Variants in COL15A1 observed in about 807,000 individuals in gnomAD.
COL15A1 encodes the protein collagen type XV alpha 1 chain, also known as collagen alpha-1(XV) chain.
In COL15A1, 111 loss-of-function variants were observed where a neutral mutation model predicts 165.9. That is an observed-to-expected ratio of 0.67 (90% confidence interval 0.57 to 0.78). The LOEUF (loss-of-function observed/expected upper bound fraction) is 0.78, where lower values mean the gene tolerates loss of function less well. Among genes scored for constraint, COL15A1 ranks in the 30% least tolerant of loss-of-function variants. COL15A1 has a pLI of 0.00. For missense variants in COL15A1, 1,745 were observed against 1,789.7 expected (o/e 0.98, Z 0.45); for synonymous variants, 659 against 674.8 (o/e 0.98, Z 0.36).
Position 99,024,894 on chromosome 9 carries a change from G to T in COL15A1, c.1875G>T (p.Gly625=), listed in dbSNP as rs995935317. Residue 625 remains glycine, a synonymous_variant, in exon 15 of 42, where the codon GGG becomes GGT. Coordinates refer to ENST00000375001, the MANE Select transcript of COL15A1 (RefSeq NM_001855.5). ...QLLRGPPGPP[G]PPGLPGIPGK... ...TTTAGGGTCCTCCAGGACCCCCAGG[G>T]CCACCTGGCTTACCTGGGATTCCAG... is the stretch of plus-strand genomic sequence containing the variant. 2.0e-5 allele frequency: 32 copies of T among 1,613,776 alleles called. No homozygotes were observed. The highest frequency in any genetic ancestry group is 2.7e-5 in the Non-Finnish European group (32 of 1,179,870).
At chr9:98,997,194 C>T in intron 6 of COL15A1, 113 bp downstream of exon 6, 2 of 1,346,092 alleles carry the variant, frequency 1.5e-6, no homozygotes, top group East Asian at 4.7e-5. Flanking sequence ...CCCCTCAACC[C>T]TTTAAGAAAG....
chr9:99,065,665 C>T (rs893880408), intron 39 of COL15A1, among the ~76,000 whole-genome samples: 2 of 147,126 alleles, frequency 1.4e-5, no homozygotes, highest in African/African-American at 2.5e-5. Context: ...TGACCTGGAC[C>T]TCCATCTAGT....
chr9:99,017,990 G>A (rs1838965974), intron 11 of COL15A1, among the ~76,000 whole-genome samples: 1 of 152,102 alleles, frequency 6.6e-6, no homozygotes, highest in Non-Finnish European at 1.5e-5. Context: ...TTGGAGAGAA[G>A]GGGAATACTG....
chr9:98,949,142 G>A (rs1214441667), intron 2 of COL15A1, among the ~76,000 whole-genome samples: 1 of 152,188 alleles, frequency 6.6e-6, no homozygotes, highest in Non-Finnish European at 1.5e-5. Context: ...CTTTTTAAAT[G>A]CAGAATCTAT....
chr9:99,049,764 T>C lies in COL15A1; in HGVS notation c.2862+6T>C. 1.2e-6 allele frequency: 2 copies of C among 1,614,246 alleles called. No homozygotes were observed. Among genetic ancestry groups the C allele is most frequent in the South Asian group, 1.1e-5 (1 of 91,082 alleles). The stretch of plus-strand genomic sequence containing the variant: ...CTGTGATTAACATCAAAGGAGTAAG[T>C]TGGCACGCAGTGGGAAGACCTTCCC... On this transcript the variant is annotated splice_donor_region_variant and intron_variant, in intron 29 of 41. Coordinates refer to ENST00000375001, the MANE Select transcript of COL15A1 (RefSeq NM_001855.5).
chr9:99,003,696 A>G, intron 8 of COL15A1, 109 bp downstream of exon 8: 1 of 1,223,978 alleles, frequency 8.2e-7, no homozygotes, highest in Non-Finnish European at 1.1e-6. Flanking sequence ...ACACAGTGAC[A>G]GTCTCATGGG....
chr9:99,030,038 A>ATG (rs1839193055), intron 16 of COL15A1, among the ~76,000 whole-genome samples: 1 of 152,244 alleles, frequency 6.6e-6, no homozygotes, highest in Non-Finnish European at 1.5e-5. Flanking sequence ...AGGCAGTAAG[A>ATG]TGTGCTGTCT....
At chr9:98,962,493 G>A (rs1249083940) in intron 2 of COL15A1, among the ~76,000 whole-genome samples, 1 of 152,204 alleles carries the variant, frequency 6.6e-6, no homozygotes, top group Admixed American at 6.5e-5. Context: ...AACAACTGGG[G>A]AATAATTTGG....
chr9:99,041,902 G>A, intron 23 of COL15A1, 143 bp from the exon 24 acceptor site: 1 of 608,528 alleles, frequency 1.6e-6, no homozygotes, highest in Non-Finnish European at 2.9e-6. Context: ...TTAAGGTTAA[G>A]AAAATGTCAT....
rs193245878 is a variant in COL15A1 at position 99,057,107 on chromosome 9, T to C, written c.3337+703T>C. Among the ~76,000 whole-genome samples the C allele has an allele frequency of 2.3e-3, 354 of 152,344 alleles. 4 individuals carry two copies. The highest frequency in any genetic ancestry group is 8.3e-3 in the African/African-American group (345 of 41,558). On this transcript the variant is annotated intron_variant, in intron 35 of 41. Coordinates refer to ENST00000375001, the MANE Select transcript of COL15A1 (RefSeq NM_001855.5). ...ATATGGTAACTCTATGTTTAACTTT[T>C]TGAGGAACTGCCAGACTGTTTTCCG...
At position 99,015,552 on chromosome 9, in the gene COL15A1, C is replaced by T. The variant is rs202155886; in HGVS notation, c.1489C>T (p.Arg497Trp). Residue 497 changes from arginine (R) to tryptophan (W), a missense_variant, in exon 10 of 42, where the codon CGG becomes TGG. Physicochemically the swap from Arg to Trp is moderately radical, Grantham distance 101. Transcript: ENST00000375001. ...APLTATMAPERAVTSGPGDEE... is the reference protein window; with the variant it reads ...APLTATMAPEWAVTSGPGDEE... ...CCTCACAGCCACCATGGCCCCTGAG[C>T]GGGCAGTCACTTCTGTAAGTGTCAT... 25 of 1,613,536 alleles carry T rather than the reference C, an allele frequency of 1.5e-5. No individual in the cohort carries two copies. The highest frequency in any genetic ancestry group is 3.3e-5 in the Admixed American group (2 of 59,980).
intron 5 of COL15A1, among the ~76,000 whole-genome samples, chr9:98,993,404 G>T (rs1838483290): frequency 6.6e-6 from 1 of 152,174 alleles, no homozygotes. Context: ...AACCCCTGTG[G>T]CTGCCTTCAG....
At chr9:99,039,176 T>A (rs891593206) in intron 22 of COL15A1, among the ~76,000 whole-genome samples, 1 of 152,210 alleles carries the variant, frequency 6.6e-6, no homozygotes, top group Non-Finnish European at 1.5e-5. Flanking sequence ...TGTGTTAATT[T>A]CCAGATCTCT....
At chr9:98,951,640 T>C (rs371338510) in intron 2 of COL15A1, among the ~76,000 whole-genome samples, 213 of 152,310 alleles carry the variant, frequency 1.4e-3, no homozygotes, top group African/African-American at 4.8e-3. Context: ...TCTTAGCTCA[T>C]TGAAGCCTCA....
intron 14 of COL15A1, among the ~76,000 whole-genome samples, chr9:99,024,031 T>A (rs1263208076): frequency 6.6e-6 from 1 of 152,190 alleles, no homozygotes; most frequent in Non-Finnish European, 1.5e-5. Flanking sequence ...CTTCTCTAGC[T>A]GCAGCTGGTG....
chr9:98,977,805 C>T lies in COL15A1; in HGVS notation c.101-7760C>T, dbSNP rs1408594924. 7.2e-5 allele frequency among the ~76,000 whole-genome samples: 11 copies of T among 152,320 alleles called. No individual in the cohort carries two copies. In the East Asian group the frequency reaches 1.5e-3, roughly 21 times the overall value. ...CTTATACCTTGCATTTCCCATCTGT[C>T]GTCTCATTGAATCCCCACATGGGAA... On this transcript the variant is annotated intron_variant, in intron 2 of 41. Coordinates refer to ENST00000375001, the MANE Select transcript of COL15A1 (RefSeq NM_001855.5).
At chr9:99,062,405 A>T in intron 38 of COL15A1, 101 bp downstream of exon 38, 1 of 886,764 alleles carries the variant, frequency 1.1e-6, no homozygotes, top group Admixed American at 1.8e-5. Context: ...CTGGACAGTC[A>T]GCTGTGCACG....
At chr9:99,014,586 C>T (rs866610459) in intron 9 of COL15A1, among the ~76,000 whole-genome samples, 2 of 152,174 alleles carry the variant, frequency 1.3e-5, no homozygotes, top group South Asian at 2.1e-4. Flanking sequence ...GTGGCACCTC[C>T]ACTCAGAATC....
chr9:98,973,535 G>A (rs1298830124), intron 2 of COL15A1, among the ~76,000 whole-genome samples: 1 of 152,172 alleles, frequency 6.6e-6, no homozygotes, highest in African/African-American at 2.4e-5. Context: ...ACCTTTGCTG[G>A]GTGCAGATAA....
Sources: gnomAD v4.1 joint callset for allele counts (sites outside exome capture counted in the v4.1 genomes callset) on GRCh38, gnomAD v4.1.1 for gene constraint, MANE v1.5 for transcripts, NCBI Gene and HGNC (gene_info 2026-07-23, HGNC 2026-07-21) for gene names.